Variants in ELP3 observed in about 807,000 individuals in gnomAD.
The protein encoded by ELP3 is elongator acetyltransferase complex subunit 3, also known as elongator complex protein 3.
ELP3 carries 56 observed loss-of-function variants against 74.9 expected under a neutral mutation model. That is an observed-to-expected ratio of 0.75 (90% CI 0.60 to 0.93). ELP3 has a LOEUF of 0.93. ELP3 is among the 40% of genes least tolerant of loss of function. The pLI is 0.00. For missense variants in ELP3, 573 were observed against 686.5 expected, an observed-to-expected ratio of 0.83 and a Z score of 1.85; for synonymous variants, 222 against 239.8, an observed-to-expected ratio of 0.93 and a Z score of 0.68.
At chr8:28,109,392 C>T (rs74621714) in intron 5 of ELP3, among the ~76,000 whole-genome samples, 1,830 of 152,076 alleles carry the variant, frequency 0.012, 29 homozygotes, top group African/African-American at 0.039. Context: ...GGAATGATTT[C>T]GTGAAAAGGC....
intron 10 of ELP3, among the ~76,000 whole-genome samples, chr8:28,153,106 A>G (rs545566044): frequency 6.6e-6 from 1 of 152,340 alleles, no homozygotes; most frequent in African/African-American, 2.4e-5. Context: ...ACCAGATGTC[A>G]TATCCTAGAA....
chr8:28,112,947 A>G (rs1811977829), intron 6 of ELP3, 72 bp from the exon 7 acceptor site: 2 of 1,368,042 alleles, frequency 1.5e-6, no homozygotes, highest in East Asian at 2.4e-5. Context: ...GCAAAATAAG[A>G]GATTTGCAAT....
chr8:28,132,196 A>C lies in ELP3; in HGVS notation c.780-82A>C, dbSNP rs878928401. On this transcript the variant is annotated intron_variant, in intron 8 of 14. Coordinates refer to ENST00000256398, the MANE Select transcript of ELP3 (RefSeq NM_018091.6). ...TTGTTTTCCCCTTGTTCCTTGTGTT[A>C]ACTTTGTCACCCATTTATTTGTGTA... is the stretch of plus-strand genomic sequence containing the variant. The C allele has an allele frequency of 1.5e-5, 22 of 1,468,754 alleles. No individual in the cohort carries two copies. In the South Asian group the frequency reaches 2.5e-4, roughly 17 times the overall value. The allele number at this position is 1,468,754 out of a possible 1,614,324, so 91.0% of individuals were successfully genotyped here. A position where few individuals can be genotyped will look rare whatever the true frequency, so the allele number is the denominator to read the frequency against.
intron 14 of ELP3, among the ~76,000 whole-genome samples, chr8:28,183,535 C>G (rs1024437315): frequency 6.6e-6 from 1 of 152,264 alleles, no homozygotes; most frequent in South Asian, 2.1e-4. Context: ...GCAATTCTCA[C>G]CCCTCAGCCT....
rs2130549438 is a variant in ELP3, at chr8:28,160,285, A to G, written c.1314A>G (p.Ser438=). 2 of 1,614,204 alleles carry G rather than the reference A, an allele frequency of 1.2e-6. No homozygotes were observed. The highest frequency in any genetic ancestry group is 3.3e-4 in the Middle Eastern group (2 of 6,062). Reference sequence around the variant, plus strand: ...ATGGTGGCTGGGAAACATTCTTGTCATACGAAGACCCAGATCAAGACATTT... The same window carrying G: ...ATGGTGGCTGGGAAACATTCTTGTCGTACGAAGACCCAGATCAAGACATTT... ...VANGGWETFL[S]YEDPDQDILI... Residue 438 remains serine, a synonymous_variant, in exon 13 of 15, where the codon TCA becomes TCG. Transcript: ENST00000256398.
intron 7 of ELP3, among the ~76,000 whole-genome samples, chr8:28,120,330 AATG>A (rs1383054884): frequency 1.3e-5 from 2 of 152,164 alleles, no homozygotes. Flanking sequence ...CCTGATGACT[AATG>A]ATGTTGAACA....
chr8:28,129,044 T>G (rs976832241), intron 7 of ELP3, among the ~76,000 whole-genome samples: 5 of 151,398 alleles, frequency 3.3e-5, no homozygotes, highest in African/African-American at 1.2e-4. Flanking sequence ...CCCTCCCCCC[T>G]TTTTTTTCTT....
chr8:28,158,067 A>G (rs1319148509), intron 11 of ELP3, among the ~76,000 whole-genome samples: 3 of 151,540 alleles, frequency 2.0e-5, no homozygotes, highest in Admixed American at 2.0e-4. Context: ...AAAAAAAAAA[A>G]AAAGCCATCT....
intron 14 of ELP3, among the ~76,000 whole-genome samples, chr8:28,166,440 A>G (rs1814309533): frequency 6.6e-6 from 1 of 152,246 alleles, no homozygotes; most frequent in Non-Finnish European, 1.5e-5. Context: ...TATCTAAGCA[A>G]TTAATTAGTC....
At chr8:28,125,156 G>A (rs1423538232) in intron 7 of ELP3, among the ~76,000 whole-genome samples, 24 of 152,280 alleles carry the variant, frequency 1.6e-4, no homozygotes, top group Non-Finnish European at 2.9e-5. Context: ...AACTCAAGGT[G>A]TTATCAACAA....
Position 28,147,637 on chromosome 8 carries a change from C to G in ELP3, c.1101-8305C>G, listed in dbSNP as rs761339089. Among the ~76,000 whole-genome samples, 15 of 152,236 alleles carry G rather than the reference C, an allele frequency of 9.9e-5. No homozygotes were observed. The highest frequency in any genetic ancestry group is 9.6e-4 in the East Asian group (5 of 5,188). On this transcript the variant is annotated intron_variant, in intron 10 of 14. Coordinates refer to ENST00000256398, the MANE Select transcript of ELP3 (RefSeq NM_018091.6). This position sits in a 1 kb window ranked among gnomAD's most constrained non-coding sequence, Gnocchi z 4.5. ...TATATATATAAATATATGTCTCTCTCTGTGTGTGTATGTGTGTATGCATGC... is the reference window on the plus strand; with the variant it reads ...TATATATATAAATATATGTCTCTCTGTGTGTGTGTATGTGTGTATGCATGC...
At chr8:28,113,426 C>G (rs1811998853) in intron 7 of ELP3, among the ~76,000 whole-genome samples, 1 of 152,264 alleles carries the variant, frequency 6.6e-6, no homozygotes, top group Non-Finnish European at 1.5e-5. Context: ...TAGTAGTATT[C>G]TCAAATAGAG....
intron 10 of ELP3, among the ~76,000 whole-genome samples, chr8:28,143,388 G>A (rs1019321599): frequency 6.6e-6 from 1 of 152,114 alleles, no homozygotes; most frequent in African/African-American, 2.4e-5. Flanking sequence ...GCAAAATAAT[G>A]TTTTCTCTGT....
At chr8:28,152,345 A>G (rs1465825805) in intron 10 of ELP3, among the ~76,000 whole-genome samples, 3 of 152,186 alleles carry the variant, frequency 2.0e-5, no homozygotes, top group African/African-American at 7.2e-5. Flanking sequence ...AGTTCATTAT[A>G]TATGCTAGAT....
chr8:28,110,185 G>A (rs758851909), intron 5 of ELP3, among the ~76,000 whole-genome samples, 185 bp from the exon 6 acceptor site: 6 of 152,310 alleles, frequency 3.9e-5, no homozygotes, highest in South Asian at 2.1e-4. Flanking sequence ...AGCGTGAGTG[G>A]ACACCTGCCA....
At chr8:28,103,399 T>C (rs1389640154) in intron 3 of ELP3, among the ~76,000 whole-genome samples, 2 of 152,214 alleles carry the variant, frequency 1.3e-5, no homozygotes, top group East Asian at 3.8e-4. Flanking sequence ...TTCTTTTTTT[T>C]TAATTACTGA....
chr8:28,180,975 AT>A (rs1439575850), intron 14 of ELP3, among the ~76,000 whole-genome samples: 1 of 152,106 alleles, frequency 6.6e-6, no homozygotes, highest in Non-Finnish European at 1.5e-5. Flanking sequence ...GGGGAGTGTT[AT>A]GACTGCTTCT....
At chr8:28,185,162 A>G (rs1414493317) in intron 14 of ELP3, among the ~76,000 whole-genome samples, 1 of 152,182 alleles carries the variant, frequency 6.6e-6, no homozygotes, top group African/African-American at 2.4e-5. Context: ...AGCCAGAAGT[A>G]TTTCTGAAAG....
At chr8:28,183,229 C>T (rs1248019381) in intron 14 of ELP3, 2 of 462,348 alleles carry the variant, frequency 4.3e-6, no homozygotes, top group South Asian at 1.5e-5. Flanking sequence ...GAGGGGAGGC[C>T]ACCACAGAAG....
Sources: gnomAD v4.1 joint callset for allele counts (sites outside exome capture counted in the v4.1 genomes callset) on GRCh38, gnomAD v4.1.1 for gene constraint, Gnocchi (gnomAD v3.1) non-coding constraint, MANE v1.5 for transcripts, NCBI Gene and HGNC (gene_info 2026-07-23, HGNC 2026-07-21) for gene names.